Variants in S100PBP observed in about 807,000 individuals in gnomAD.
The protein encoded by S100PBP is S100P-binding protein.
In S100PBP, 15 loss-of-function variants were observed where a neutral mutation model predicts 39.9. That is an observed-to-expected ratio of 0.38 (90% CI 0.25 to 0.58). S100PBP has a LOEUF of 0.58. S100PBP is among the 20% of genes least tolerant of loss of function. The pLI is 0.70. For synonymous variants in S100PBP, 178 were observed against 180.3 expected, an observed-to-expected ratio of 0.99 and a Z score of 0.10; for missense variants, 504 against 487.3, an observed-to-expected ratio of 1.03 and a Z score of -0.32.
chr1:32,839,301 G>C (rs926238712), intron 5 of S100PBP, among the ~76,000 whole-genome samples: 17 of 152,170 alleles, frequency 1.1e-4, no homozygotes, highest in Non-Finnish European at 1.5e-4. Flanking sequence ...GTTTGTTGTT[G>C]CATGTGTCAG....
In S100PBP at chr1:32,858,431, G is replaced by GA. The variant is rs1230582774; in HGVS notation, c.*2399dup. ...TGGTTAACATGGTATTCTTTAAGAA[G>GA]AAAAAACAAAGCCAAAGAAAACTCA... On this transcript the variant is annotated 3_prime_UTR_variant, in exon 7 of 7. Transcript: ENST00000373475. 6.6e-6 allele frequency: 1 copy of GA among 152,578 alleles called. No homozygotes were observed. Among genetic ancestry groups the GA allele is most frequent in the African/African-American group, 2.4e-5 (1 of 41,426 alleles). 9.5% of individuals were successfully genotyped at this position (152,578 alleles called of 1,614,324 possible). A position where few individuals can be genotyped will look rare whatever the true frequency, so the allele number is the denominator to read the frequency against.
At chr1:32,831,137 C>G (rs544981592) in intron 5 of S100PBP, among the ~76,000 whole-genome samples, 3 of 151,498 alleles carry the variant, frequency 2.0e-5, no homozygotes, top group Non-Finnish European at 4.4e-5. Context: ...CAAACTTTCT[C>G]GAGTATTTCA....
intron 4 of S100PBP, among the ~76,000 whole-genome samples, chr1:32,829,416 T>G (rs1639489395): frequency 6.6e-6 from 1 of 152,234 alleles, no homozygotes; most frequent in South Asian, 2.1e-4. Context: ...TTTCTATTCC[T>G]TGTTAGCAGG....
At position 32,856,266 on chromosome 1, in the gene S100PBP, C is replaced by T. The variant is rs1212903968; in HGVS notation, c.*228C>T. On this transcript the variant is annotated 3_prime_UTR_variant, in exon 7 of 7. Transcript: ENST00000373475. Reference sequence around the variant, plus strand: ...GTGTGTCTGTGTTTAAGCAAGCGTTCGGTTGGTATAGTTTTTTTTTGTTTT... The same window carrying T: ...GTGTGTCTGTGTTTAAGCAAGCGTTTGGTTGGTATAGTTTTTTTTTGTTTT... The T allele has an allele frequency of 2.8e-5, 8 of 290,652 alleles. No homozygotes were observed. The highest frequency in any genetic ancestry group is 6.2e-5 in the East Asian group (1 of 16,098). The allele number at this position is 290,652 out of a possible 1,614,324, so 18.0% of individuals were successfully genotyped here.
At chr1:32,830,890 A>G (rs1325180174) in intron 5 of S100PBP, among the ~76,000 whole-genome samples, 1 of 152,120 alleles carries the variant, frequency 6.6e-6, no homozygotes, top group Non-Finnish European at 1.5e-5. Flanking sequence ...TACTAAAACT[A>G]TAAAAATTAG....
intron 6 of S100PBP, among the ~76,000 whole-genome samples, chr1:32,855,350 G>A (rs983670746): frequency 3.9e-5 from 6 of 152,150 alleles, no homozygotes; most frequent in South Asian, 2.1e-4. Context: ...ATCTCAGAGC[G>A]TCTTGCTCAG....
At chr1:32,847,140 A>AC (rs1640416600) in intron 5 of S100PBP, among the ~76,000 whole-genome samples, 1 of 152,132 alleles carries the variant, frequency 6.6e-6, no homozygotes, top group Admixed American at 6.6e-5. Context: ...TTTTATATGC[A>AC]CTCACATACT....
chr1:32,825,975 T>C (rs1639303132), intron 2 of S100PBP, 123 bp from the exon 3 acceptor site: 1 of 665,756 alleles, frequency 1.5e-6, no homozygotes, highest in African/African-American at 1.8e-5. Flanking sequence ...TAAAATTATT[T>C]CTTATGCTAC....
Position 32,822,641 on chromosome 1 carries a change from AG to A in S100PBP, c.-119-2670del, listed in dbSNP as rs1557480245. On this transcript the variant is annotated intron_variant, in intron 1 of 6. Coordinates refer to ENST00000373475, the MANE Select transcript of S100PBP (RefSeq NM_022753.4). ...GTTTCAAAAAAAAAAAAAAAAAAAGAGGAAGTAACATCAGACATCAGAAAGA... is the reference window on the plus strand; with the variant it reads ...GTTTCAAAAAAAAAAAAAAAAAAAGAGAAGTAACATCAGACATCAGAAAGA... Among the ~76,000 whole-genome samples the A allele has an allele frequency of 9.0e-4, 134 of 148,238 alleles. 1 individual carries two copies. The highest frequency in any genetic ancestry group is 3.1e-3 in the African/African-American group (124 of 40,274).
At chr1:32,851,113 T>C (rs1371348551) in intron 5 of S100PBP, among the ~76,000 whole-genome samples, 2 of 152,212 alleles carry the variant, frequency 1.3e-5, no homozygotes, top group African/African-American at 4.8e-5. Flanking sequence ...GTCACAGAGC[T>C]AATTGATGGA....
At position 32,826,293 on chromosome 1, in the gene S100PBP, A is replaced by T. The variant is rs1639319358; in HGVS notation, c.194A>T (p.Asp65Val). The change falls in exon 3 of 7, where the codon GAT becomes GTT. Residue 65 changes from aspartate to valine, a missense_variant. Asp to Val is a radical substitution (Grantham distance 152, BLOSUM62 -3). Transcript: ENST00000373475. Reference protein sequence around the residue: ...EEEIDALLKEDDPSYEQSSGE... With the variant: ...EEEIDALLKEVDPSYEQSSGE... ...GAGATTGATGCACTGTTGAAGGAAG[A>T]TGACCCATCATATGAGCAGTCTTCT... is the stretch of plus-strand genomic sequence containing the variant. 3.7e-6 allele frequency: 6 copies of T among 1,614,064 alleles called. No homozygotes were observed. In the East Asian group the frequency reaches 1.3e-4, roughly 36 times the overall value.
Position 32,829,974 on chromosome 1 carries a change from C to G in S100PBP, c.931C>G (p.Pro311Ala). ...VLQTKTRTNV[P>A]TFSQSNLEQQ... ...TTTGCTTTATTCAAGGACTAATGTT[C>G]CGACGTTTTCACAGTCAAATCTAGA... Residue 311 changes from proline to alanine, a missense_variant, in exon 5 of 7, where the codon CCG becomes GCG. Transcript: ENST00000373475. 1.2e-6 allele frequency: 2 copies of G among 1,613,062 alleles called. No individual in the cohort carries two copies. The highest frequency in any genetic ancestry group is 1.7e-6 in the Non-Finnish European group (2 of 1,179,234).
At chr1:32,827,268 C>T (rs1249511090) in intron 3 of S100PBP, among the ~76,000 whole-genome samples, 1 of 152,018 alleles carries the variant, frequency 6.6e-6, no homozygotes, top group Non-Finnish European at 1.5e-5. Flanking sequence ...TTAAATTACC[C>T]TCTGTTGAAT....
rs111469385 is a variant in S100PBP at position 32,850,053 on chromosome 1, T to C, written c.1025-3026T>C. Reference sequence around the variant, plus strand: ...GCTGCTGGATTTGATTCCTAGAAGTTAAATATTTGAATATTAGGCCCCTTT... The same window carrying C: ...GCTGCTGGATTTGATTCCTAGAAGTCAAATATTTGAATATTAGGCCCCTTT... On this transcript the variant is annotated intron_variant, in intron 5 of 6. Transcript: ENST00000373475. Among the ~76,000 whole-genome samples the C allele has an allele frequency of 3.1e-3, 476 of 152,368 alleles. 7 individuals are homozygous for C. The highest frequency in any genetic ancestry group is 0.011 in the African/African-American group (451 of 41,584).
At chr1:32,850,772 T>C (rs1348937513) in intron 5 of S100PBP, among the ~76,000 whole-genome samples, 1 of 152,228 alleles carries the variant, frequency 6.6e-6, no homozygotes, top group Admixed American at 6.5e-5. Context: ...GAGAAACTTT[T>C]AATGAAATCT....
At chr1:32,833,813 A>C (rs61245161) in intron 5 of S100PBP, among the ~76,000 whole-genome samples, 2,041 of 152,262 alleles carry the variant, frequency 0.013, 46 homozygotes, top group African/African-American at 0.047. Context: ...TATACAGGGA[A>C]ATTACATATT....
chr1:32,819,827 AT>A (rs886077620), intron 1 of S100PBP, among the ~76,000 whole-genome samples: 34 of 151,950 alleles, frequency 2.2e-4, no homozygotes, highest in African/African-American at 8.2e-4. Context: ...TAAACATCCT[AT>A]TTTTTCTCAT....
Position 32,828,060 on chromosome 1 carries a change from C to T in S100PBP, c.899C>T (p.Pro300Leu). 1.2e-6 allele frequency: 2 copies of T among 1,605,048 alleles called. No individual in the cohort carries two copies. Among genetic ancestry groups the T allele is most frequent in the Non-Finnish European group, 1.7e-6 (2 of 1,172,298 alleles). Residue 300 changes from proline to leucine, a missense_variant, in exon 4 of 7, where the codon CCT becomes CTT. Coordinates refer to ENST00000373475, the MANE Select transcript of S100PBP (RefSeq NM_022753.4). ...GHERRLGKVI[P>L]VLQTKTRTNV... Reference sequence around the variant, plus strand: ...GAGAGAAGACTAGGCAAAGTCATTCCTGTTCTACAAACTAAGACCAGGTAA... The same window carrying T: ...GAGAGAAGACTAGGCAAAGTCATTCTTGTTCTACAAACTAAGACCAGGTAA...
upstream of S100PBP, chr1:32,816,673 T>C (rs1032459135): frequency 2.5e-5 from 4 of 160,266 alleles, no homozygotes; most frequent in Admixed American, 1.8e-4. Context: ...CTGTAGTTCT[T>C]GGTAACAAAC....
Sources: allele counts gnomAD v4.1 joint callset (sites outside exome capture counted in the v4.1 genomes callset), GRCh38; gene constraint gnomAD v4.1.1; transcripts MANE v1.5; gene names NCBI Gene and HGNC (gene_info 2026-07-23, HGNC 2026-07-21).